Variants in TMEM8B observed in about 807,000 individuals in gnomAD.
TMEM8B encodes transmembrane protein 8B.
Under a neutral mutation model 49.3 loss-of-function variants are expected in TMEM8B, and 29 were observed. That is an observed-to-expected ratio of 0.59 (90% CI 0.44 to 0.80). The LOEUF (loss-of-function observed/expected upper bound fraction) is 0.80. TMEM8B is among the 30% of genes least tolerant of loss of function. The pLI is 0.00. For synonymous variants in TMEM8B, 264 were observed against 272.8 expected (o/e 0.97, Z 0.32); for missense variants, 575 against 658.5 (o/e 0.87, Z 1.39).
rs1026079375 is a variant in TMEM8B at position 35,853,704 on chromosome 9, G to C, written c.2639G>C (p.Arg880Pro). Reference protein sequence around the residue: ...AGSVGFLLPPRAKTDHGVPSG... With the variant: ...AGSVGFLLPPPAKTDHGVPSG... Reference sequence around the variant, plus strand: ...AGTGTGGGCTTCCTGCTGCCCCCTCGTGCCAAGACTGACCACGGGGTCCCA... The same window carrying C: ...AGTGTGGGCTTCCTGCTGCCCCCTCCTGCCAAGACTGACCACGGGGTCCCA... The change falls in exon 13 of 13, where the codon CGT (arginine) becomes CCT (proline). Residue 880 changes from arginine to proline, a missense_variant. By Grantham distance (103) the Arg-to-Pro change is moderately radical. Coordinates refer to ENST00000643932, the MANE Select transcript of TMEM8B (RefSeq NM_001042590.4). The surrounding 1 kb of genome is among the most constrained non-coding windows in gnomAD (Gnocchi z 4.2). 1 of 1,613,976 alleles carries C rather than the reference G, an allele frequency of 6.2e-7. No homozygotes were observed. Among genetic ancestry groups the C allele is most frequent in the African/African-American group, 1.3e-5 (1 of 74,912 alleles).
Position 35,863,439 on chromosome 9 carries a change from ACT to A in TMEM8B, c.*9602_*9603del, listed in dbSNP as rs1832682744. On this transcript the variant is annotated 3_prime_UTR_variant, in exon 13 of 13. Coordinates refer to ENST00000643932, the MANE Select transcript of TMEM8B (RefSeq NM_001042590.4). ...ATTGGCTTGTGGCCCTAAAGAAATA[ACT>A]CTGTGTCCAGAAAATGCCATGTTAC... The A allele has an allele frequency of 6.6e-6, 1 of 152,166 alleles. No individual in the cohort carries two copies. The highest frequency in any genetic ancestry group is 2.1e-4 in the South Asian group (1 of 4,828). 9.4% of individuals were successfully genotyped at this position (152,166 alleles called of 1,614,324 possible). A position where few individuals can be genotyped will look rare whatever the true frequency, so the allele number is the denominator to read the frequency against.
intron 3 of TMEM8B, among the ~76,000 whole-genome samples, chr9:35,837,619 A>AGTGACTTACCTGGTCCG (rs1463681063): frequency 6.6e-5 from 10 of 152,158 alleles, no homozygotes; most frequent in Admixed American, 1.3e-4. Context: ...GTAAAAAAGA[A>AGTGACTTACCTGGTCCG]GTGACTTACC....
intron 10 of TMEM8B, among the ~76,000 whole-genome samples, chr9:35,851,912 C>T (rs1431621803): frequency 6.6e-6 from 1 of 152,172 alleles, no homozygotes; most frequent in Non-Finnish European, 1.5e-5. Flanking sequence ...TCTTTTGTCT[C>T]TAGAGACTGA....
intron 8 of TMEM8B, 41 bp downstream of exon 8, chr9:35,846,422 TGGCGGG>T: frequency 6.3e-7 from 1 of 1,599,598 alleles, no homozygotes. Context: ...GACCGGGACT[TGGCGGG>T]GGTGGCCCGG....
At chr9:35,830,792 G>A (rs768105704) in intron 1 of TMEM8B, among the ~76,000 whole-genome samples, 1 of 152,212 alleles carries the variant, frequency 6.6e-6, no homozygotes, top group African/African-American at 2.4e-5. Context: ...TTTGCCAGGC[G>A]TCAGCCAAGG....
Position 35,842,260 on chromosome 9 carries a change from C to T in TMEM8B, c.1310-132C>T. On this transcript the variant is annotated intron_variant, in intron 5 of 12. Coordinates refer to ENST00000643932, the MANE Select transcript of TMEM8B (RefSeq NM_001042590.4). The surrounding 1 kb of genome is among the most constrained non-coding windows in gnomAD (Gnocchi z 5.6). ...TATAAACCTGGATGCCCCACACTCC[C>T]AAGGGACATCGCATTCTAGTTCTCA... 1 of 679,402 alleles carries T rather than the reference C, an allele frequency of 1.5e-6. No individual in the cohort carries two copies. Among genetic ancestry groups the T allele is most frequent in the Non-Finnish European group, 2.3e-6 (1 of 428,776 alleles). The allele number at this position is 679,402 out of a possible 1,614,324, so 42.1% of individuals were successfully genotyped here.
At chr9:35,848,275 T>C (rs1394321003) in intron 10 of TMEM8B, among the ~76,000 whole-genome samples, 2 of 152,264 alleles carry the variant, frequency 1.3e-5, no homozygotes, top group South Asian at 2.1e-4. Flanking sequence ...TTGGCCCCTT[T>C]TTAGGCCTGC....
intron 10 of TMEM8B, among the ~76,000 whole-genome samples, chr9:35,848,626 G>A (rs1326130749): frequency 1.3e-5 from 2 of 151,778 alleles, no homozygotes; most frequent in South Asian, 2.1e-4. Flanking sequence ...AGAGCCTCAA[G>A]TGCCTGGCAC....
At position 35,860,856 on chromosome 9, in the gene TMEM8B, G is replaced by A. The variant is rs937812588; in HGVS notation, c.*7016G>A. On this transcript the variant is annotated 3_prime_UTR_variant, in exon 13 of 13. Coordinates refer to ENST00000643932, the MANE Select transcript of TMEM8B (RefSeq NM_001042590.4). ...ATCTGGTGGAGGTGCGGTCAGTTGTGACCAGCTTTGCAAAGGGAGCGGTGG... is the reference window on the plus strand; with the variant it reads ...ATCTGGTGGAGGTGCGGTCAGTTGTAACCAGCTTTGCAAAGGGAGCGGTGG... The A allele has an allele frequency of 6.6e-6, 1 of 152,244 alleles. No homozygotes were observed. The highest frequency in any genetic ancestry group is 1.5e-5 in the Non-Finnish European group (1 of 68,056). The allele number at this position is 152,244 out of a possible 1,614,324, so 9.4% of individuals were successfully genotyped here. A position where few individuals can be genotyped will look rare whatever the true frequency, so the allele number is the denominator to read the frequency against.
rs1226581420 is a variant in TMEM8B, at chr9:35,854,003, A to G, written c.*163A>G. ...AGGGACCTGGAGCCCTTCCCAGGAC[A>G]TGGAGAACTTCCTGAGGGCCTGGAG... On this transcript the variant is annotated 3_prime_UTR_variant, in exon 13 of 13. Transcript: ENST00000643932. 5 of 1,343,952 alleles carry G rather than the reference A, an allele frequency of 3.7e-6. No individual in the cohort carries two copies. The African/African-American group carries it at 7.4e-5, about 20-fold the overall frequency. The allele number at this position is 1,343,952 out of a possible 1,614,324, so 83.3% of individuals were successfully genotyped here.
intron 6 of TMEM8B, among the ~76,000 whole-genome samples, chr9:35,843,853 C>T (rs978847397): frequency 4.0e-5 from 6 of 150,980 alleles, no homozygotes; most frequent in African/African-American, 1.2e-4. Context: ...ACCTCCACTT[C>T]GCAGGTTCAA....
At position 35,853,749 on chromosome 9, in the gene TMEM8B, G is replaced by T; in HGVS notation, c.2684G>T (p.Gly895Val). The T allele has an allele frequency of 6.2e-7, 1 of 1,612,254 alleles. No homozygotes were observed. The highest frequency in any genetic ancestry group is 8.5e-7 in the Non-Finnish European group (1 of 1,178,866). The change falls in exon 13 of 13, where the codon GGC becomes GTC. Residue 895 changes from glycine to valine, a missense_variant. Physicochemically the swap from Gly to Val is moderately radical, Grantham distance 109 (BLOSUM62 -3). Transcript: ENST00000643932. This position sits in a 1 kb window ranked among gnomAD's most constrained non-coding sequence, Gnocchi z 4.2. ...HGVPSGARAR[G>V]CGYQLCINEQ... is the part of the protein sequence containing the mutation. ...GTCCCATCTGGAGCCCGGGCCCGGG[G>T]CTGTGGTTACCAGCTATGCATCAAC...
Position 35,853,914 on chromosome 9 carries a change from TAGA to T in TMEM8B, c.*77_*79del, listed in dbSNP as rs1040628771. 1 of 1,464,718 alleles carries T rather than the reference TAGA, an allele frequency of 6.8e-7. No homozygotes were observed. Among genetic ancestry groups the T allele is most frequent in the African/African-American group, 1.4e-5 (1 of 70,806 alleles). 90.7% of individuals were successfully genotyped at this position (1,464,718 alleles called of 1,614,324 possible). On this transcript the variant is annotated 3_prime_UTR_variant, in exon 13 of 13. Coordinates refer to ENST00000643932, the MANE Select transcript of TMEM8B (RefSeq NM_001042590.4). This position sits in a 1 kb window ranked among gnomAD's most constrained non-coding sequence, Gnocchi z 4.2. ...TCTTTCTGGGGGTGTGGAGCCCTCTTAGAAGGAGACAGGCTGTATTTCTTGAGG... is the reference window on the plus strand; with the variant it reads ...TCTTTCTGGGGGTGTGGAGCCCTCTTAGGAGACAGGCTGTATTTCTTGAGG...
At position 35,846,906 on chromosome 9, in the gene TMEM8B, C is replaced by T. The variant is rs759026089; in HGVS notation, c.2086C>T (p.Leu696Phe). Residue 696 changes from leucine (L) to phenylalanine (F), a missense_variant, in exon 10 of 13, where the codon CTC (leucine) becomes TTC (phenylalanine). Physicochemically the swap from Leu to Phe is conservative, Grantham distance 22. Coordinates refer to ENST00000643932, the MANE Select transcript of TMEM8B (RefSeq NM_001042590.4). ...CACACTCCTGCTCTGCCTGAGCAAC[C>T]TCATGTTTCTGCCACCTGTGGTCCT... ...LSTLLLCLSN[L>F]MFLPPVVLAI... 7 of 1,614,272 alleles carry T rather than the reference C, an allele frequency of 4.3e-6. No homozygotes were observed. Among genetic ancestry groups the T allele is most frequent in the South Asian group, 1.1e-5 (1 of 91,090 alleles).
At position 35,829,249 on chromosome 9, in the gene TMEM8B, C is replaced by T. The variant is rs1039163102; in HGVS notation, c.-199C>T. The stretch of plus-strand genomic sequence containing the variant: ...CGTCACGCCGACGTCAAGTCGAGGC[C>T]GCCGCCGCGGGGCCTGGTTATCGCC... On this transcript the variant is annotated 5_prime_UTR_variant, in exon 1 of 13. Coordinates refer to ENST00000643932, the MANE Select transcript of TMEM8B (RefSeq NM_001042590.4). 8 of 350,222 alleles carry T rather than the reference C, an allele frequency of 2.3e-5. No homozygotes were observed. Among genetic ancestry groups the T allele is most frequent in the Non-Finnish European group, 4.1e-5 (8 of 194,180 alleles). The allele number at this position is 350,222 out of a possible 1,614,324, so 21.7% of individuals were successfully genotyped here. A position where few individuals can be genotyped will look rare whatever the true frequency, so the allele number is the denominator to read the frequency against.
At chr9:35,845,832 G>A (rs1831468479) in intron 6 of TMEM8B, 143 bp from the exon 7 acceptor site, 4 of 1,538,896 alleles carry the variant, frequency 2.6e-6, no homozygotes, top group African/African-American at 1.4e-5. Flanking sequence ...GAATGGAGGT[G>A]AGAGAGCAGC....
chr9:35,836,833 T>C (rs1157278441), intron 3 of TMEM8B, among the ~76,000 whole-genome samples: 3 of 152,108 alleles, frequency 2.0e-5, no homozygotes, highest in African/African-American at 7.2e-5. Flanking sequence ...AAGAGGACCA[T>C]CCCACCGTGC....
chr9:35,845,760 C>T (rs937644570), intron 6 of TMEM8B: 3 of 985,440 alleles, frequency 3.0e-6, no homozygotes, highest in Non-Finnish European at 2.4e-6. Context: ...CTTGCCGTCT[C>T]ATCAGTCCTT....
intron 6 of TMEM8B, chr9:35,845,258 G>A: frequency 3.1e-6 from 1 of 318,874 alleles, no homozygotes; most frequent in Non-Finnish European, 4.5e-6. Flanking sequence ...TTGGAAGGCA[G>A]TATCAAATAT....
Sources: allele counts gnomAD v4.1 joint callset (sites outside exome capture counted in the v4.1 genomes callset), GRCh38; gene constraint gnomAD v4.1.1; non-coding constraint Gnocchi (gnomAD v3.1); transcripts MANE v1.5; gene names NCBI Gene and HGNC (gene_info 2026-07-23, HGNC 2026-07-21).